Variants in RSPO3 observed in about 807,000 individuals in gnomAD.
RSPO3 encodes the protein R-spondin-3.
A neutral mutation model predicts 36.5 loss-of-function variants in RSPO3; 17 were observed. The ratio of observed to expected loss-of-function variants is 0.47; its 90% confidence interval spans 0.32 to 0.70. The LOEUF is 0.70. Among genes scored for constraint, RSPO3 ranks in the 30% least tolerant of loss-of-function variants. The pLI, the probability that RSPO3 is intolerant of heterozygous loss-of-function variation, is 0.04. For synonymous variants in RSPO3, 108 were observed against 107.0 expected, an observed-to-expected ratio of 1.01 and a Z score of -0.06; for missense variants, 294 against 322.5, an observed-to-expected ratio of 0.91 and a Z score of 0.68.
chr6:127,195,810 C>G lies in RSPO3; in HGVS notation c.635-13C>G. The G allele has an allele frequency of 6.8e-7, 1 of 1,463,830 alleles. No homozygotes were observed. The highest frequency in any genetic ancestry group is 1.5e-5 in the African/African-American group (1 of 67,966). The allele number at this position is 1,463,830 out of a possible 1,614,324, so 90.7% of individuals were successfully genotyped here. On this transcript the variant is annotated splice_polypyrimidine_tract_variant and intron_variant, in intron 4 of 4. Coordinates refer to ENST00000356698, the MANE Select transcript of RSPO3 (RefSeq NM_032784.5). ...TTGAATGTAATTTTTAAAAGAGTAT[C>G]CTTTCATTTCAGGAAAAAAAGGAAG... is the stretch of plus-strand genomic sequence containing the variant.
chr6:127,119,591 G>C (rs1226680563), intron 1 of RSPO3, among the ~76,000 whole-genome samples: 1 of 152,360 alleles, frequency 6.6e-6, no homozygotes, highest in Middle Eastern at 3.4e-3. Context: ...ACTCGCACCC[G>C]GGATTTGTGC....
At chr6:127,173,600 G>A (rs1289981334) in intron 4 of RSPO3, among the ~76,000 whole-genome samples, 1 of 151,818 alleles carries the variant, frequency 6.6e-6, no homozygotes, top group Non-Finnish European at 1.5e-5. Flanking sequence ...AAGCATATAT[G>A]GTCTCCTAAA....
At chr6:127,171,890 A>C (rs1383548477) in intron 4 of RSPO3, among the ~76,000 whole-genome samples, 2 of 151,672 alleles carry the variant, frequency 1.3e-5, no homozygotes, top group Non-Finnish European at 3.0e-5. Context: ...GATCATTTAT[A>C]ATTAATATTA....
intron 1 of RSPO3, among the ~76,000 whole-genome samples, chr6:127,123,910 C>A (rs560652042): frequency 6.6e-6 from 1 of 152,092 alleles, no homozygotes; most frequent in Non-Finnish European, 1.5e-5. Flanking sequence ...TATGGGGAAA[C>A]CCTTGCTGCA....
intron 3 of RSPO3, among the ~76,000 whole-genome samples, chr6:127,153,487 A>G (rs1485226034): frequency 6.6e-6 from 1 of 152,044 alleles, no homozygotes; most frequent in African/African-American, 2.4e-5. Context: ...ACCTAAACTC[A>G]TTAGTTTTGA....
At chr6:127,178,217 C>T (rs185478740) in intron 4 of RSPO3, among the ~76,000 whole-genome samples, 1 of 151,836 alleles carries the variant, frequency 6.6e-6, no homozygotes, top group African/African-American at 2.4e-5. Flanking sequence ...GGCTGGACAA[C>T]AGCTAATAGT....
At chr6:127,152,850 C>T (rs1774517043) in intron 3 of RSPO3, among the ~76,000 whole-genome samples, 1 of 152,070 alleles carries the variant, frequency 6.6e-6, no homozygotes. Flanking sequence ...GTCATTTTGT[C>T]ACCCTCACTG....
intron 1 of RSPO3, among the ~76,000 whole-genome samples, chr6:127,121,324 C>T (rs147964910): frequency 7.4e-4 from 113 of 152,354 alleles, no homozygotes; most frequent in African/African-American, 2.6e-3. Context: ...GGATGATGCA[C>T]CTCTAGGTTG....
chr6:127,176,130 C>T (rs116978629), intron 4 of RSPO3, among the ~76,000 whole-genome samples: 1,761 of 151,660 alleles, frequency 0.012, 14 homozygotes, highest in Non-Finnish European at 0.019. Flanking sequence ...CCAATGTTAC[C>T]GTAACATTGT....
At chr6:127,144,643 G>GTTTTTTGTTTTTTTTTTTTTTTTTTTT (rs1774344031) in intron 1 of RSPO3, among the ~76,000 whole-genome samples, 1 of 99,130 alleles carries the variant, frequency 1.0e-5, no homozygotes, top group African/African-American at 4.2e-5. Flanking sequence ...GCTTCCCCTT[G>GTTTTTTGTTTTTTTTTTTTTTTTTTTT]TTTTTTTTTT....
intron 4 of RSPO3, among the ~76,000 whole-genome samples, chr6:127,163,314 G>A (rs750340473): frequency 2.0e-5 from 3 of 151,984 alleles, no homozygotes; most frequent in Non-Finnish European, 2.9e-5. Context: ...TGACATAGGG[G>A]ACACCCCACA....
Position 127,197,209 on chromosome 6 carries a change from C to A in RSPO3, c.*1202C>A. On this transcript the variant is annotated 3_prime_UTR_variant, in exon 5 of 5. Coordinates refer to ENST00000356698, the MANE Select transcript of RSPO3 (RefSeq NM_032784.5). ...TTTTTTGAATCCACCTTTATCTGAG[C>A]CAATGGAGATTTACTTATAGCGTAT... 1 of 526,500 alleles carries A rather than the reference C, an allele frequency of 1.9e-6. No homozygotes were observed. The highest frequency in any genetic ancestry group is 3.3e-6 in the Non-Finnish European group (1 of 306,442). The allele number at this position is 526,500 out of a possible 1,614,324, so 32.6% of individuals were successfully genotyped here. A position where few individuals can be genotyped will look rare whatever the true frequency, so the allele number is the denominator to read the frequency against.
intron 4 of RSPO3, among the ~76,000 whole-genome samples, chr6:127,185,883 A>C (rs1582814429): frequency 6.6e-6 from 1 of 152,258 alleles, no homozygotes; most frequent in South Asian, 2.1e-4. Flanking sequence ...CTGTCCATAC[A>C]ACCCAGTAGA....
At chr6:127,120,212 G>C (rs1459868667) in intron 1 of RSPO3, among the ~76,000 whole-genome samples, 1 of 152,164 alleles carries the variant, frequency 6.6e-6, no homozygotes, top group Non-Finnish European at 1.5e-5. Context: ...CTGTCTGAAA[G>C]GTAGAATCTT....
At chr6:127,162,081 T>C (rs976546337) in intron 4 of RSPO3, among the ~76,000 whole-genome samples, 1 of 152,144 alleles carries the variant, frequency 6.6e-6, no homozygotes, top group South Asian at 2.1e-4. Context: ...ATCATCAAGA[T>C]GGCAAGAGGT....
At chr6:127,168,945 T>C (rs1774879579) in intron 4 of RSPO3, among the ~76,000 whole-genome samples, 1 of 152,094 alleles carries the variant, frequency 6.6e-6, no homozygotes, top group Non-Finnish European at 1.5e-5. Flanking sequence ...TCTGTTCTGT[T>C]CCATTGGTCT....
At chr6:127,179,744 A>C (rs1775143249) in intron 4 of RSPO3, among the ~76,000 whole-genome samples, 1 of 151,852 alleles carries the variant, frequency 6.6e-6, no homozygotes, top group Non-Finnish European at 1.5e-5. Flanking sequence ...CCTTTTTGGC[A>C]ACTCTAGGGT....
intron 4 of RSPO3, among the ~76,000 whole-genome samples, chr6:127,184,427 T>A (rs1285944405): frequency 4.0e-5 from 6 of 151,856 alleles, no homozygotes; most frequent in Non-Finnish European, 7.4e-5. Context: ...GGGTTGCACA[T>A]AGGGACCCAA....
At chr6:127,166,717 G>C (rs1337798531) in intron 4 of RSPO3, among the ~76,000 whole-genome samples, 4 of 151,888 alleles carry the variant, frequency 2.6e-5, no homozygotes, top group African/African-American at 7.2e-5. Context: ...AATATATTCT[G>C]CCAGATTATT....
Sources: allele counts gnomAD v4.1 joint callset (sites outside exome capture counted in the v4.1 genomes callset), GRCh38; gene constraint gnomAD v4.1.1; transcripts MANE v1.5; gene names NCBI Gene and HGNC (gene_info 2026-07-23, HGNC 2026-07-21).